Variants in SULF1 observed in about 807,000 individuals in gnomAD.
SULF1 encodes the protein extracellular sulfatase Sulf-1.
In SULF1, 46 loss-of-function variants were observed where a neutral mutation model predicts 110.5. That is an observed-to-expected ratio of 0.42 (90% CI 0.33 to 0.53). The LOEUF is 0.53. SULF1 is among the 20% of genes least tolerant of loss of function. The pLI is 0.12. For synonymous variants in SULF1, 371 were observed against 387.1 expected, an observed-to-expected ratio of 0.96 and a Z score of 0.49; for missense variants, 941 against 1,094.2, an observed-to-expected ratio of 0.86 and a Z score of 1.98.
At position 69,576,046 on chromosome 8, in the gene SULF1, T is replaced by TAC; in HGVS notation, c.252_253dup (p.Pro85HisfsTer79). On this transcript the variant is annotated frameshift_variant, in exon 6 of 23. Transcript: ENST00000402687. LOFTEE classifies it high-confidence loss of function. ...CCACCTTCATCAATGCCTTTGTGAC[T>TAC]ACACCCATGTGCTGCCCGTCACGGT... 6.2e-7 allele frequency: 1 copy of TAC among 1,614,178 alleles called. No individual in the cohort carries two copies. Among genetic ancestry groups the TAC allele is most frequent in the Non-Finnish European group, 8.5e-7 (1 of 1,180,018 alleles).
At chr8:69,479,308 T>G (rs1421350017) in intron 1 of SULF1, among the ~76,000 whole-genome samples, 1 of 152,178 alleles carries the variant, frequency 6.6e-6, no homozygotes, top group Non-Finnish European at 1.5e-5. Flanking sequence ...CTAGACCAGA[T>G]TTTTATGGAT....
rs535963893 is a variant in SULF1 at position 69,511,037 on chromosome 8, C to T, written c.-134+9069C>T. Among the ~76,000 whole-genome samples, 169 of 152,110 alleles carry T rather than the reference C, an allele frequency of 1.1e-3. 1 individual carries two copies. The highest frequency in any genetic ancestry group is 2.4e-3 in the Non-Finnish European group (163 of 68,018). ...TAGAAACCTGTCTCAGGACTCTGCA[C>T]CCACCCTCTGGAAACCAGTACTAGA... On this transcript the variant is annotated intron_variant, in intron 3 of 22. Coordinates refer to ENST00000402687, the MANE Select transcript of SULF1 (RefSeq NM_001128205.2).
intron 3 of SULF1, among the ~76,000 whole-genome samples, chr8:69,506,226 CACTAAACAT>C: frequency 7.6e-6 from 1 of 131,472 alleles, no homozygotes; most frequent in African/African-American, 3.0e-5. Context: ...AGAGAGATAA[CACTAAACAT>C]ACACACACAC....
At position 69,659,898 on chromosome 8, in the gene SULF1, C is replaced by T. The variant is rs1356959941; in HGVS notation, c.*1363C>T. The T allele has an allele frequency of 6.5e-6, 1 of 152,702 alleles. No homozygotes were observed. The highest frequency in any genetic ancestry group is 1.5e-5 in the Non-Finnish European group (1 of 68,196). The allele number at this position is 152,702 out of a possible 1,614,324, so 9.5% of individuals were successfully genotyped here. On this transcript the variant is annotated 3_prime_UTR_variant, in exon 23 of 23. Coordinates refer to ENST00000402687, the MANE Select transcript of SULF1 (RefSeq NM_001128205.2). ...TGTCATTGTGACAAAGTCAAATAAA[C>T]CCCCAAGGACGACACACAGTATGGA... is the stretch of plus-strand genomic sequence containing the variant.
At chr8:69,572,607 A>G (rs1805314819) in intron 5 of SULF1, among the ~76,000 whole-genome samples, 3 of 152,110 alleles carry the variant, frequency 2.0e-5, no homozygotes, top group Admixed American at 6.5e-5. Context: ...TGTCCAACCT[A>G]GAATACTTTT....
At chr8:69,540,778 A>G (rs986938021) in intron 3 of SULF1, among the ~76,000 whole-genome samples, 2 of 152,180 alleles carry the variant, frequency 1.3e-5, no homozygotes, top group African/African-American at 4.8e-5. Flanking sequence ...GCCACATAAA[A>G]TCCACAAATG....
rs780347598 is a variant in SULF1, at chr8:69,624,112, G to A, written c.1765G>A (p.Ala589Thr). 3 of 1,613,872 alleles carry A rather than the reference G, an allele frequency of 1.9e-6. No homozygotes were observed. Among genetic ancestry groups the A allele is most frequent in the Admixed American group, 3.3e-5 (2 of 60,006 alleles). Residue 589 changes from alanine (A) to threonine (T), a missense_variant, in exon 15 of 23, where the codon GCT (alanine) becomes ACT (threonine). By Grantham distance (58) the Ala-to-Thr change is moderately conservative. This residue lies in a region of SULF1 where 822 missense variants were observed against 934.3 expected (regional missense o/e 0.88). Coordinates refer to ENST00000402687, the MANE Select transcript of SULF1 (RefSeq NM_001128205.2). ...EGHKGPRDLQ[A>T]SSGGNRGRML... ...CCACAAGGGGCCAAGAGATCTCCAG[G>A]CTTCCAGTGGTGGCAACAGGGGCAG...
chr8:69,629,719 C>T (rs946017362), intron 19 of SULF1, 40 bp downstream of exon 19: 13 of 1,523,338 alleles, frequency 8.5e-6, no homozygotes, highest in Non-Finnish European at 1.1e-5. Context: ...TGCCGCCATG[C>T]AGAGACAGCG....
chr8:69,594,935 G>A (rs187486882), intron 8 of SULF1, among the ~76,000 whole-genome samples: 2 of 152,232 alleles, frequency 1.3e-5, no homozygotes, highest in East Asian at 3.9e-4. Flanking sequence ...TGAAGACAGG[G>A]ACAAAAATGT....
chr8:69,517,960 A>G (rs1022884004), intron 3 of SULF1, among the ~76,000 whole-genome samples: 6 of 152,220 alleles, frequency 3.9e-5, no homozygotes, highest in African/African-American at 1.2e-4. Flanking sequence ...CATTTATCAT[A>G]GGCATATGGT....
chr8:69,501,036 C>T (rs887742996), intron 2 of SULF1, among the ~76,000 whole-genome samples: 1 of 152,140 alleles, frequency 6.6e-6, no homozygotes, highest in Non-Finnish European at 1.5e-5. Context: ...GCACCCATTA[C>T]CTCTGAGATC....
intron 6 of SULF1, among the ~76,000 whole-genome samples, chr8:69,581,234 C>A (rs949392371): frequency 3.3e-5 from 5 of 152,106 alleles, no homozygotes; most frequent in Non-Finnish European, 7.4e-5. Context: ...AATCCATCAC[C>A]CTAAGTCTAT....
intron 3 of SULF1, among the ~76,000 whole-genome samples, chr8:69,515,156 G>A (rs114994810): frequency 0.017 from 2,566 of 152,176 alleles, 66 homozygotes; most frequent in African/African-American, 0.059. Flanking sequence ...CCATACTTCC[G>A]TAGTAGAGGC....
chr8:69,626,434 G>A (rs943242132), intron 15 of SULF1, among the ~76,000 whole-genome samples: 3 of 152,242 alleles, frequency 2.0e-5, no homozygotes, highest in Admixed American at 1.3e-4. Flanking sequence ...AGTGGATCCC[G>A]CACAGGGGCT....
chr8:69,594,665 T>C (rs1807168384), intron 8 of SULF1, among the ~76,000 whole-genome samples: 1 of 151,990 alleles, frequency 6.6e-6, no homozygotes, highest in Non-Finnish European at 1.5e-5. Context: ...TTTCCACAAA[T>C]ACGTGAAAGG....
chr8:69,530,464 C>G (rs1398868515), intron 3 of SULF1, among the ~76,000 whole-genome samples: 1 of 152,100 alleles, frequency 6.6e-6, no homozygotes, highest in Non-Finnish European at 1.5e-5. Context: ...AATATAGTCA[C>G]CACTCCTTAT....
chr8:69,568,023 A>G (rs987520064), intron 5 of SULF1, among the ~76,000 whole-genome samples: 2 of 152,218 alleles, frequency 1.3e-5, no homozygotes, highest in Non-Finnish European at 2.9e-5. Context: ...TGTTTTTAAT[A>G]GTAGCCATCC....
At chr8:69,560,171 C>T (rs1044245867) in intron 3 of SULF1, among the ~76,000 whole-genome samples, 5 of 152,080 alleles carry the variant, frequency 3.3e-5, no homozygotes, top group Admixed American at 6.6e-5. Context: ...TGGCCACCAT[C>T]CCCTCTAGAG....
chr8:69,640,241 C>A (rs895233580), intron 21 of SULF1, among the ~76,000 whole-genome samples: 3 of 151,994 alleles, frequency 2.0e-5, no homozygotes, highest in Non-Finnish European at 2.9e-5. Context: ...CTCAACCAAC[C>A]ATTAGAGGCA....
Sources: allele counts gnomAD v4.1 joint callset (sites outside exome capture counted in the v4.1 genomes callset), GRCh38; gene constraint gnomAD v4.1.1; regional missense constraint gnomAD v4.1.1; transcripts MANE v1.5; gene names NCBI Gene and HGNC (gene_info 2026-07-23, HGNC 2026-07-21).